Variants in SLC24A2 observed in about 807,000 individuals in gnomAD.
The protein encoded by SLC24A2 is solute carrier family 24 member 2.
Under a neutral mutation model 62.0 loss-of-function variants are expected in SLC24A2, and 36 were observed. That is an observed-to-expected ratio of 0.58 (90% confidence interval 0.44 to 0.77). The LOEUF is 0.77. Ranked by LOEUF, SLC24A2 falls within the 30% of genes least tolerant of loss-of-function variation. SLC24A2 has a pLI of 0.00. For synonymous variants in SLC24A2, 358 were observed against 294.0 expected (o/e 1.22, Z -2.23); for missense variants, 846 against 817.9 (o/e 1.03, Z -0.42).
the SLC24A2 span, among the ~76,000 whole-genome samples, chr9:19,823,703 C>T: frequency 5.9e-5 from 9 of 151,994 alleles, no homozygotes; most frequent in Non-Finnish European, 1.2e-4. Flanking sequence ...ATGCTGAGCC[C>T]ATATAGCCAA....
chr9:20,248,541 C>G, the SLC24A2 span, among the ~76,000 whole-genome samples: 5 of 152,104 alleles, frequency 3.3e-5, no homozygotes, highest in East Asian at 9.7e-4. Context: ...GGGGCAGGCT[C>G]TCTTGTGTCT....
At chr9:19,650,691 C>A (rs543336775) in intron 2 of SLC24A2, among the ~76,000 whole-genome samples, 1 of 150,942 alleles carries the variant, frequency 6.6e-6, no homozygotes, top group African/African-American at 2.4e-5. Context: ...GACAGCCAGG[C>A]CATCTGCAGA....
chr9:19,527,733 C>T (rs1833504721), intron 9 of SLC24A2, among the ~76,000 whole-genome samples: 1 of 152,192 alleles, frequency 6.6e-6, no homozygotes, highest in African/African-American at 2.4e-5. Flanking sequence ...GTCAGTACTA[C>T]TGAACCAGGC....
At chr9:20,293,179 C>G in the SLC24A2 span, among the ~76,000 whole-genome samples, 2 of 152,168 alleles carry the variant, frequency 1.3e-5, no homozygotes, top group African/African-American at 4.8e-5. Context: ...ATAATTACAT[C>G]GACACCAACT....
the SLC24A2 span, among the ~76,000 whole-genome samples, chr9:20,125,250 T>A: frequency 6.6e-6 from 1 of 152,130 alleles, no homozygotes; most frequent in Non-Finnish European, 1.5e-5. Context: ...AATACTCAAT[T>A]TTTAGAACTC....
intron 7 of SLC24A2, 69 bp from the exon 8 acceptor site, chr9:19,550,337 G>T: frequency 6.6e-7 from 1 of 1,514,524 alleles, no homozygotes; most frequent in Non-Finnish European, 9.2e-7. Context: ...AACAACAGGA[G>T]CACAGAACAA....
At chr9:20,019,087 A>AAGAG in the SLC24A2 span, among the ~76,000 whole-genome samples, 10 of 43,338 alleles carry the variant, frequency 2.3e-4, no homozygotes, top group African/African-American at 4.2e-4. Flanking sequence ...GAAAGAGAGA[A>AAGAG]AGAAAGAAAG....
At chr9:20,253,437 T>C in the SLC24A2 span, among the ~76,000 whole-genome samples, 2 of 152,220 alleles carry the variant, frequency 1.3e-5, no homozygotes, top group Admixed American at 1.3e-4. Context: ...TAATTGTTTG[T>C]ACCATCTTAC....
At chr9:20,012,735 T>C in the SLC24A2 span, among the ~76,000 whole-genome samples, 3 of 152,158 alleles carry the variant, frequency 2.0e-5, no homozygotes, top group African/African-American at 4.8e-5. Flanking sequence ...ATACCAATAA[T>C]GAACTACTCA....
At chr9:19,873,473 C>A in the SLC24A2 span, among the ~76,000 whole-genome samples, 1 of 142,176 alleles carries the variant, frequency 7.0e-6, no homozygotes, top group African/African-American at 2.6e-5. Context: ...TTTTCTTTCT[C>A]TCTCTCCTTC....
intron 2 of SLC24A2, among the ~76,000 whole-genome samples, chr9:19,651,780 T>C (rs892749852): frequency 1.4e-4 from 21 of 152,160 alleles, no homozygotes; most frequent in African/African-American, 4.8e-4. Flanking sequence ...ATTATTGGGA[T>C]CATCAAACCC....
chr9:19,834,292 G>A, the SLC24A2 span, among the ~76,000 whole-genome samples: 1 of 151,894 alleles, frequency 6.6e-6, no homozygotes, highest in Non-Finnish European at 1.5e-5. Context: ...AAAGGAGGAA[G>A]TTCGAACCAA....
chr9:19,962,034 T>A, the SLC24A2 span, among the ~76,000 whole-genome samples: 5 of 152,252 alleles, frequency 3.3e-5, no homozygotes, highest in Admixed American at 6.5e-5. Context: ...TATACAGTAA[T>A]AGATAGCTAA....
chr9:19,918,959 T>C, the SLC24A2 span, among the ~76,000 whole-genome samples: 1 of 152,148 alleles, frequency 6.6e-6, no homozygotes, highest in Admixed American at 6.5e-5. Flanking sequence ...ATAATTTGGG[T>C]CATAAGGTTT....
chr9:19,881,313 C>T, the SLC24A2 span, among the ~76,000 whole-genome samples: 1 of 151,922 alleles, frequency 6.6e-6, no homozygotes, highest in East Asian at 1.9e-4. Context: ...AATAGTGTCC[C>T]CAGAAGTCAA....
chr9:19,702,320 C>G (rs1820379281), intron 2 of SLC24A2, among the ~76,000 whole-genome samples: 1 of 152,140 alleles, frequency 6.6e-6, no homozygotes, highest in African/African-American at 2.4e-5. Context: ...GCAAAGCAAT[C>G]TATTCACAAA....
chr9:19,599,922 T>C lies in SLC24A2; in HGVS notation c.1079-2643A>G, dbSNP rs1836799564. Among the ~76,000 whole-genome samples the C allele has an allele frequency of 6.6e-6, 1 of 152,170 alleles. No individual in the cohort carries two copies. Among genetic ancestry groups the C allele is most frequent in the African/African-American group, 2.4e-5 (1 of 41,448 alleles). ...CTCCATAATGAATAACTAAGGCACT[T>C]TGAACATAATTGGATTAGGATTCAA... On this transcript the variant is annotated intron_variant, in intron 4 of 10. Coordinates refer to ENST00000341998, the MANE Select transcript of SLC24A2 (RefSeq NM_020344.4). This position sits in a 1 kb window ranked among gnomAD's most constrained non-coding sequence, Gnocchi z 4.5.
chr9:19,838,941 G>C, the SLC24A2 span, among the ~76,000 whole-genome samples: 3 of 152,124 alleles, frequency 2.0e-5, no homozygotes, highest in African/African-American at 7.2e-5. Context: ...ACTACCATCA[G>C]AGTGAACAGG....
chr9:20,215,576 A>G, the SLC24A2 span, among the ~76,000 whole-genome samples: 3 of 152,356 alleles, frequency 2.0e-5, no homozygotes, highest in South Asian at 2.1e-4. Flanking sequence ...GTCTTCCAGC[A>G]CTGTCACTAG....
Sources: allele counts gnomAD v4.1 joint callset (sites outside exome capture counted in the v4.1 genomes callset), GRCh38; gene constraint gnomAD v4.1.1; non-coding constraint Gnocchi (gnomAD v3.1); transcripts MANE v1.5; gene names NCBI Gene and HGNC (gene_info 2026-07-23, HGNC 2026-07-21).